SYVN1: variants seen among roughly 807,000 people sequenced by gnomAD.
SYVN1 encodes the protein E3 ubiquitin-protein ligase synoviolin.
SYVN1 carries 17 observed loss-of-function variants against 62.6 expected under a neutral mutation model. The ratio of observed to expected loss-of-function variants is 0.27; its 90% CI spans 0.19 to 0.41. The LOEUF is 0.41. Ranked by LOEUF, SYVN1 falls within the 10% of genes least tolerant of loss-of-function variation. The probability of loss-of-function intolerance (pLI) is 1.00; values close to 1 mark genes in which losing one functional copy is unlikely to be tolerated. For missense variants in SYVN1, 634 were observed against 818.0 expected (o/e 0.78, Z 2.74); for synonymous variants, 316 against 304.0 (o/e 1.04, Z -0.41).
rs148475829 is a variant in SYVN1, at chr11:65,129,746, G to C, written c.1578C>G (p.Thr526=). The change falls in exon 14 of 16, where the codon ACC becomes ACG. Residue 526 remains threonine (T), a synonymous_variant. Coordinates refer to ENST00000377190, the MANE Select transcript of SYVN1 (RefSeq NM_172230.3). ...AGACACACCCCAAGGAGGCCAGCAC[G>C]GTGAGGTACTGGTTGATCTGCAGCA... ...AAMLQINQYL[T]VLASLGPPRP... is the part of the protein sequence containing the mutation. 9.9e-6 allele frequency: 16 copies of C among 1,614,080 alleles called. No individual in the cohort carries two copies. The highest frequency in any genetic ancestry group is 1.4e-5 in the Non-Finnish European group (16 of 1,180,012).
chr11:65,131,212 A>G lies in SYVN1; in HGVS notation c.759-15T>C. On this transcript the variant is annotated splice_polypyrimidine_tract_variant and intron_variant, in intron 8 of 15. Transcript: ENST00000377190. ...TCTTGAACTGTCTGAAAGGACAGTC[A>G]GTGAAAGCAGGAGAAGGGACGGGAT... The G allele has an allele frequency of 3.7e-6, 6 of 1,614,108 alleles. No individual in the cohort carries two copies. Among genetic ancestry groups the G allele is most frequent in the Non-Finnish European group, 4.2e-6 (5 of 1,179,942 alleles).
At position 65,131,505 on chromosome 11, in the gene SYVN1, T is replaced by A; in HGVS notation, c.623A>T (p.Lys208Met). The A allele has an allele frequency of 6.2e-7, 1 of 1,613,976 alleles. No individual in the cohort carries two copies. The highest frequency in any genetic ancestry group is 1.1e-5 in the South Asian group (1 of 91,076). The part of the protein sequence containing the change: ...DLQSENPWDN[K>M]AVYMLYTELF... ...CTCTGTGTAGAGCATGTACACAGCC[T>A]TGTTGTCCCAGGGGTTCTCACTCTG... The change falls in exon 7 of 16, where the codon AAG becomes ATG. Residue 208 changes from lysine to methionine, a missense_variant. Lys to Met is a moderately conservative substitution (Grantham distance 95, BLOSUM62 -1). Around this residue, in one of 2 missense-constraint regions of SYVN1, gnomAD observed 283 missense variants for 444.7 expected, o/e 0.64. Coordinates refer to ENST00000377190, the MANE Select transcript of SYVN1 (RefSeq NM_172230.3).
intron 1 of SYVN1, 89 bp from the exon 2 acceptor site, chr11:65,133,707 T>TG (rs978171009): frequency 7.1e-5 from 75 of 1,050,822 alleles, no homozygotes; most frequent in Middle Eastern, 2.2e-4. Context: ...TAGGAGAAAG[T>TG]GGGGGGGAAA....
chr11:65,131,140 C>A lies in SYVN1; in HGVS notation c.816G>T (p.Met272Ile). The A allele has an allele frequency of 6.2e-7, 1 of 1,614,154 alleles. No homozygotes were observed. Among genetic ancestry groups the A allele is most frequent in the South Asian group, 1.1e-5 (1 of 91,064 alleles). Residue 272 changes from methionine (M) to isoleucine (I), a missense_variant, in exon 9 of 16, where the codon ATG becomes ATT. Met to Ile is a conservative substitution (Grantham distance 10). Transcript: ENST00000377190. ...ATGACAAGCCTACTTACAGGGTGTTCATGTTGCGGATGGCTCGGCGAGACA... is the reference window on the plus strand; with the variant it reads ...ATGACAAGCCTACTTACAGGGTGTTAATGTTGCGGATGGCTCGGCGAGACA... ...AIMSRRAIRNMNTLYPDATPE... is the reference protein window; with the variant it reads ...AIMSRRAIRNINTLYPDATPE...
In SYVN1 at chr11:65,128,212, A is replaced by G. The variant is rs1948125890; in HGVS notation, c.*170T>C. 8.0e-6 allele frequency: 5 copies of G among 622,754 alleles called. No individual in the cohort carries two copies. Among genetic ancestry groups the G allele is most frequent in the South Asian group, 1.9e-5 (1 of 51,658 alleles). The allele number at this position is 622,754 out of a possible 1,614,324, so 38.6% of individuals were successfully genotyped here. On this transcript the variant is annotated 3_prime_UTR_variant, in exon 16 of 16. Transcript: ENST00000377190. ...CCATGGCTGCCTGGGACTGGAGTCA[A>G]ATGGGAACCCCAGCCTCTTTCCACT...
chr11:65,132,217 T>G, intron 6 of SYVN1, 31 bp downstream of exon 6: 1 of 1,561,196 alleles, frequency 6.4e-7, no homozygotes, highest in Non-Finnish European at 8.8e-7. Context: ...CACCTCGGGC[T>G]TGTCCTCTCA....
intron 6 of SYVN1, among the ~76,000 whole-genome samples, chr11:65,131,949 C>T (rs1948185824): frequency 6.6e-6 from 1 of 152,186 alleles, no homozygotes; most frequent in South Asian, 2.1e-4. Context: ...GACACGCCTC[C>T]AGTTGTCCAT....
Position 65,130,588 on chromosome 11 carries a change from C to A in SYVN1, c.1105+72G>T. ...GGAGGGCAGGGACTCTCCAATTTCC[C>A]AGCATCTTCCACATCCAGCCCAGGG... On this transcript the variant is annotated intron_variant, in intron 11 of 15. Coordinates refer to ENST00000377190, the MANE Select transcript of SYVN1 (RefSeq NM_172230.3). 1.4e-5 allele frequency: 20 copies of A among 1,474,246 alleles called. 1 individual carries two copies. The South Asian group carries it at 2.8e-4, about 20-fold the overall frequency. The allele number at this position is 1,474,246 out of a possible 1,614,324, so 91.3% of individuals were successfully genotyped here.
At chr11:65,132,478 C>G in intron 5 of SYVN1, 127 bp from the exon 6 acceptor site, 1 of 772,836 alleles carries the variant, frequency 1.3e-6, no homozygotes. Context: ...TGGGCACACT[C>G]CACTGAACCT....
At position 65,132,943 on chromosome 11, in the gene SYVN1, C is replaced by T; in HGVS notation, c.357G>A (p.Leu119=). ...LLLFLKCFHW[L]AEDRVDFMER... is the part of the protein sequence containing the mutation. ...TCACAAAGTCCACACGGTCCTCAGCCAGCCAGTGGAAACATTTGAGGAAGA... is the reference window on the plus strand; with the variant it reads ...TCACAAAGTCCACACGGTCCTCAGCTAGCCAGTGGAAACATTTGAGGAAGA... Residue 119 remains leucine (L), a synonymous_variant, in exon 4 of 16, where the codon CTG becomes CTA. Coordinates refer to ENST00000377190, the MANE Select transcript of SYVN1 (RefSeq NM_172230.3). 6.2e-7 allele frequency: 1 copy of T among 1,614,206 alleles called. No homozygotes were observed. Among genetic ancestry groups the T allele is most frequent in the Non-Finnish European group, 8.5e-7 (1 of 1,180,044 alleles).
At chr11:65,133,316 A>C in intron 2 of SYVN1, 64 bp from the exon 3 acceptor site, 1 of 1,590,206 alleles carries the variant, frequency 6.3e-7, no homozygotes, top group Non-Finnish European at 8.6e-7. Flanking sequence ...GGGACTCATC[A>C]TGCAGGATCC....
chr11:65,131,500 C>T lies in SYVN1; in HGVS notation c.628G>A (p.Val210Met), dbSNP rs1948179865. ...QSENPWDNKA[V>M]YMLYTELFTG... The stretch of plus-strand genomic sequence containing the variant: ...AACAGCTCTGTGTAGAGCATGTACA[C>T]AGCCTTGTTGTCCCAGGGGTTCTCA... Residue 210 changes from valine to methionine, a missense_variant, in exon 7 of 16, where the codon GTG (valine) becomes ATG (methionine). Transcript: ENST00000377190. 4 of 1,614,092 alleles carry T rather than the reference C, an allele frequency of 2.5e-6. No individual in the cohort carries two copies. The highest frequency in any genetic ancestry group is 3.4e-6 in the Non-Finnish European group (4 of 1,179,992).
intron 14 of SYVN1, 95 bp from the exon 15 acceptor site, chr11:65,128,809 G>A (rs1948137866): frequency 7.6e-7 from 1 of 1,314,592 alleles, no homozygotes; most frequent in South Asian, 1.5e-5. Context: ...ACAGAGTATA[G>A]AATGATGTGC....
At position 65,132,812 on chromosome 11, in the gene SYVN1, A is replaced by T. The variant is rs1353362274; in HGVS notation, c.379-32T>A. Reference sequence around the variant, plus strand: ...CAGAGCACAGAAGAGGCCTGTCAGGAGGCCTGGGGCTCACCCCACACCCTC... The same window carrying T: ...CAGAGCACAGAAGAGGCCTGTCAGGTGGCCTGGGGCTCACCCCACACCCTC... On this transcript the variant is annotated intron_variant, in intron 4 of 15. Transcript: ENST00000377190. The T allele has an allele frequency of 3.7e-6, 6 of 1,613,862 alleles. No homozygotes were observed. In the African/African-American group the frequency reaches 8.0e-5, roughly 22 times the overall value.
chr11:65,131,631 C>T (rs1165389516), intron 6 of SYVN1, 35 bp from the exon 7 acceptor site: 3 of 1,606,868 alleles, frequency 1.9e-6, no homozygotes, highest in Non-Finnish European at 8.5e-7. Flanking sequence ...GATGTAAACA[C>T]ATAGCTCCCC....
At chr11:65,134,300 G>A (rs1948219619) in intron 1 of SYVN1, 156 bp downstream of exon 1, 1 of 152,492 alleles carries the variant, frequency 6.6e-6, no homozygotes, top group South Asian at 2.0e-4. Context: ...GCCCAGGCTT[G>A]AGCAAAGCGG....
rs1485584372 is a variant in SYVN1 at position 65,131,176 on chromosome 11, T to C, written c.780A>G (p.Thr260=). 6.2e-7 allele frequency: 1 copy of C among 1,614,068 alleles called. No homozygotes were observed. Residue 260 remains threonine (T), a synonymous_variant, in exon 9 of 16, where the codon ACA becomes ACG. Transcript: ENST00000377190. ...LAMRQFKKAV[T]DAIMSRRAIR... is the part of the protein sequence containing the mutation. ...TGGCTCGGCGAGACATGATGGCATC[T>C]GTCACAGCTTTCTTGAACTGTCTGA...
rs143801580 is a variant in SYVN1 at position 65,130,728 on chromosome 11, G to A, written c.1037C>T (p.Pro346Leu). Reference protein sequence around the residue: ...ASLPAQSPPPPEPADQGPPPA... With the variant: ...ASLPAQSPPPLEPADQGPPPA... ...GGGTGGCCCCTGATCCGCAGGCTCC[G>A]GGGGTGGTGGTGACTGCGCTGGCAG... Residue 346 changes from proline to leucine, a missense_variant, in exon 11 of 16, where the codon CCG becomes CTG. Around this residue, in one of 2 missense-constraint regions of SYVN1, gnomAD observed 351 missense variants for 373.3 expected, o/e 0.94. Coordinates refer to ENST00000377190, the MANE Select transcript of SYVN1 (RefSeq NM_172230.3). The A allele has an allele frequency of 2.0e-4, 305 of 1,526,970 alleles. 2 individuals are homozygous for A. The African/African-American group carries it at 3.1e-3, about 16-fold the overall frequency. The allele number at this position is 1,526,970 out of a possible 1,614,324, so 94.6% of individuals were successfully genotyped here.
chr11:65,130,890 G>C (rs1197176634), intron 10 of SYVN1, 30 bp downstream of exon 10: 2 of 1,613,108 alleles, frequency 1.2e-6, no homozygotes, highest in Non-Finnish European at 1.7e-6. Flanking sequence ...CCTGTGCCCT[G>C]CTGTGCAGGC....
Sources: allele counts gnomAD v4.1 joint callset (sites outside exome capture counted in the v4.1 genomes callset), GRCh38; gene constraint gnomAD v4.1.1; regional missense constraint gnomAD v4.1.1; transcripts MANE v1.5; gene names NCBI Gene and HGNC (gene_info 2026-07-23, HGNC 2026-07-21).